Variants in FAM114A1 observed in about 807,000 individuals in gnomAD.
FAM114A1 encodes the protein family with sequence similarity 114 member A1.
FAM114A1 carries 62 observed loss-of-function variants against 64.3 expected under a neutral mutation model. The ratio of observed to expected loss-of-function variants is 0.96; its 90% confidence interval spans 0.79 to 1.19. The LOEUF (loss-of-function observed/expected upper bound fraction) is 1.19. Ranked by LOEUF, FAM114A1 falls within the 50% of genes most tolerant of loss-of-function variation. FAM114A1 has a pLI of 0.00. For missense variants in FAM114A1, 645 were observed against 676.3 expected (o/e 0.95, Z 0.51); for synonymous variants, 254 against 251.1 (o/e 1.01, Z -0.11).
At chr4:38,915,339 G>A (rs1262194872) in intron 8 of FAM114A1, among the ~76,000 whole-genome samples, 1 of 152,074 alleles carries the variant, frequency 6.6e-6, no homozygotes, top group Admixed American at 6.6e-5. Flanking sequence ...GGTGCAAAAG[G>A]CTGCTCAGAA....
In FAM114A1 at chr4:38,905,753, A is replaced by G. The variant is rs776790371; in HGVS notation, c.551-2A>G. ...CTTAAAGGATTTCTTTTTTCTCTTT[A>G]GTAACAGATGCAGCCACAGATCAGG... On this transcript the variant is annotated splice_acceptor_variant, in intron 5 of 14. Coordinates refer to ENST00000358869, the MANE Select transcript of FAM114A1 (RefSeq NM_138389.4). LOFTEE classifies it high-confidence loss of function. 2.5e-6 allele frequency: 4 copies of G among 1,611,016 alleles called. No homozygotes were observed. Among genetic ancestry groups the G allele is most frequent in the Non-Finnish European group, 3.4e-6 (4 of 1,179,282 alleles).
chr4:38,908,587 T>C lies in FAM114A1; in HGVS notation c.658-5T>C. On this transcript the variant is annotated splice_polypyrimidine_tract_variant and splice_region_variant and intron_variant, in intron 6 of 14. Transcript: ENST00000358869. Reference sequence around the variant, plus strand: ...TCTAATCTCATGCAGTTATCTCATCTGCAGGGTAAAAGTGTCTTAACTGGA... The same window carrying C: ...TCTAATCTCATGCAGTTATCTCATCCGCAGGGTAAAAGTGTCTTAACTGGA... 6.2e-7 allele frequency: 1 copy of C among 1,605,574 alleles called. No individual in the cohort carries two copies. Among genetic ancestry groups the C allele is most frequent in the East Asian group, 2.2e-5 (1 of 44,740 alleles).
chr4:38,941,065 T>C lies in FAM114A1; in HGVS notation c.1590+44T>C, dbSNP rs774988240. 7 of 1,555,090 alleles carry C rather than the reference T, an allele frequency of 4.5e-6. No homozygotes were observed. The East Asian group carries it at 1.1e-4, about 25-fold the overall frequency. On this transcript the variant is annotated intron_variant, in intron 14 of 14. Coordinates refer to ENST00000358869, the MANE Select transcript of FAM114A1 (RefSeq NM_138389.4). The stretch of plus-strand genomic sequence containing the variant: ...GAAAGTGCTTCTGAATCAAAGTAAA[T>C]GTTAGAACTACTTTTTTTTTTTTTT...
intron 4 of FAM114A1, among the ~76,000 whole-genome samples, chr4:38,901,112 A>G (rs1265501778): frequency 1.3e-5 from 2 of 152,188 alleles, no homozygotes; most frequent in South Asian, 2.1e-4. Flanking sequence ...AAAACAAGCT[A>G]AAAGGGAGAA....
intron 10 of FAM114A1, 113 bp from the exon 11 acceptor site, chr4:38,931,338 A>T: frequency 7.8e-7 from 1 of 1,275,054 alleles, no homozygotes; most frequent in African/African-American, 1.5e-5. Context: ...CTCCAAACAT[A>T]CAGAGATCCA....
chr4:38,877,536 T>C (rs1714764747), intron 2 of FAM114A1, among the ~76,000 whole-genome samples: 1 of 152,112 alleles, frequency 6.6e-6, no homozygotes, highest in Non-Finnish European at 1.5e-5. Context: ...CAGCTGTAAA[T>C]ACAGAGGAAG....
intron 13 of FAM114A1, among the ~76,000 whole-genome samples, chr4:38,936,172 A>T (rs1721075585): frequency 2.0e-5 from 3 of 150,882 alleles, no homozygotes; most frequent in African/African-American, 7.3e-5. Context: ...GGCTCACTGC[A>T]AGCTCTGCCT....
At chr4:38,889,919 T>C (rs1165707121) in intron 3 of FAM114A1, among the ~76,000 whole-genome samples, 1 of 152,214 alleles carries the variant, frequency 6.6e-6, no homozygotes, top group Non-Finnish European at 1.5e-5. Flanking sequence ...TCCTTGGCCT[T>C]TCCCTTGAGG....
intron 2 of FAM114A1, among the ~76,000 whole-genome samples, chr4:38,871,448 A>G (rs1290789634): frequency 6.6e-6 from 1 of 152,100 alleles, no homozygotes; most frequent in African/African-American, 2.4e-5. Context: ...TAAATTATCC[A>G]TAAATATTTT....
At chr4:38,905,730 T>TA (rs1237650767) in intron 5 of FAM114A1, 25 bp from the exon 6 acceptor site, 12 of 1,611,380 alleles carry the variant, frequency 7.4e-6, no homozygotes, top group Non-Finnish European at 1.0e-5. Flanking sequence ...CGTGAACTCT[T>TA]AAAGGATTTC....
chr4:38,930,091 A>C (rs868068990), intron 10 of FAM114A1, among the ~76,000 whole-genome samples: 1 of 152,140 alleles, frequency 6.6e-6, no homozygotes, highest in Non-Finnish European at 1.5e-5. Context: ...TCAGCCAGGT[A>C]AACCCCACAG....
intron 3 of FAM114A1, among the ~76,000 whole-genome samples, chr4:38,882,198 G>A (rs1233530134): frequency 6.9e-6 from 1 of 144,450 alleles, no homozygotes; most frequent in Admixed American, 6.8e-5. Context: ...TGTAGTCCCA[G>A]CTACTCGGGA....
intron 4 of FAM114A1, among the ~76,000 whole-genome samples, chr4:38,903,873 C>G (rs190416130): frequency 6.6e-6 from 1 of 152,250 alleles, no homozygotes; most frequent in East Asian, 1.9e-4. Context: ...TGTATAAGGA[C>G]AGGTGATTTC....
intron 9 of FAM114A1, among the ~76,000 whole-genome samples, chr4:38,927,791 C>T (rs1007270002): frequency 3.9e-5 from 6 of 152,202 alleles, no homozygotes; most frequent in Admixed American, 2.0e-4. Context: ...TCAAGTGATT[C>T]TCCTGCCTCA....
At position 38,935,285 on chromosome 4, in the gene FAM114A1, A is replaced by G. The variant is rs182180803; in HGVS notation, c.1464-433A>G. 8.5e-5 allele frequency among the ~76,000 whole-genome samples: 13 copies of G among 152,274 alleles called. No individual in the cohort carries two copies. In the East Asian group the frequency reaches 2.5e-3, roughly 29 times the overall value. Reference sequence around the variant, plus strand: ...AAATAATAATATAACCCATAAGGTCACCCTGAGGATTAAATATGATTAGGC... The same window carrying G: ...AAATAATAATATAACCCATAAGGTCGCCCTGAGGATTAAATATGATTAGGC... On this transcript the variant is annotated intron_variant, in intron 12 of 14. Transcript: ENST00000358869.
chr4:38,869,673 A>G (rs1713827654), intron 2 of FAM114A1, among the ~76,000 whole-genome samples: 4 of 152,044 alleles, frequency 2.6e-5, no homozygotes, highest in Admixed American at 6.5e-5. Flanking sequence ...AGAGCCTCTC[A>G]TCCAGAGTTT....
chr4:38,902,028 G>T (rs948766302), intron 4 of FAM114A1, among the ~76,000 whole-genome samples: 1 of 152,160 alleles, frequency 6.6e-6, no homozygotes, highest in Non-Finnish European at 1.5e-5. Context: ...ACAGAAATGG[G>T]ATTAAAATGA....
chr4:38,911,925 G>A lies in FAM114A1; in HGVS notation c.793-2996G>A, dbSNP rs568209162. Among the ~76,000 whole-genome samples, 31 of 137,698 alleles carry A rather than the reference G, an allele frequency of 2.3e-4. No homozygotes were observed. The East Asian group carries it at 5.8e-3, about 26-fold the overall frequency. 90.3% of individuals were successfully genotyped at this position (137,698 alleles called of 152,430 possible). A position where few individuals can be genotyped will look rare whatever the true frequency, so the allele number is the denominator to read the frequency against. On this transcript the variant is annotated intron_variant, in intron 7 of 14. Coordinates refer to ENST00000358869, the MANE Select transcript of FAM114A1 (RefSeq NM_138389.4). ...CGCCCAGGATGGAGTGCAGTGGCGC[G>A]ATCTTGACTCACTGCAACCTCCGCC...
In FAM114A1 at chr4:38,944,068, C is replaced by CTTTTT. The variant is rs749204163; in HGVS notation, c.*526_*530dup. 1,651 of 122,134 alleles carry CTTTTT rather than the reference C, an allele frequency of 0.014. 134 individuals are homozygous for CTTTTT. The highest frequency in any genetic ancestry group is 0.047 in the African/African-American group (1,425 of 30,056). 7.6% of individuals were successfully genotyped at this position (122,134 alleles called of 1,614,324 possible). A position where few individuals can be genotyped will look rare whatever the true frequency, so the allele number is the denominator to read the frequency against. On this transcript the variant is annotated 3_prime_UTR_variant, in exon 15 of 15. Coordinates refer to ENST00000358869, the MANE Select transcript of FAM114A1 (RefSeq NM_138389.4). ...TAAAAAATAGGAACATATTGTCATTCTTTTTTTTTTTTTTTTTTTGAGACA... is the reference window on the plus strand; with the variant it reads ...TAAAAAATAGGAACATATTGTCATTCTTTTTTTTTTTTTTTTTTTTTTTTGAGACA...
Sources: gnomAD v4.1 joint callset for allele counts (sites outside exome capture counted in the v4.1 genomes callset) on GRCh38, gnomAD v4.1.1 for gene constraint, MANE v1.5 for transcripts, NCBI Gene and HGNC (gene_info 2026-07-23, HGNC 2026-07-21) for gene names.